Variants in CEP164 observed in about 807,000 individuals in gnomAD.
CEP164 encodes the protein centrosomal protein of 164 kDa.
CEP164 carries 162 observed loss-of-function variants against 182.7 expected under a neutral mutation model. That is an observed-to-expected ratio of 0.89 (90% confidence interval 0.78 to 1.01). The LOEUF is 1.01. Ranked by LOEUF, CEP164 falls within the 50% of genes least tolerant of loss-of-function variation. The probability of loss-of-function intolerance (pLI) is 0.00; values close to 1 mark genes in which losing one functional copy is unlikely to be tolerated. For missense variants in CEP164, 1,735 were observed against 1,790.4 expected (o/e 0.97, Z 0.56); for synonymous variants, 661 against 690.0 (o/e 0.96, Z 0.66).
chr11:117,402,518 C>G (rs1162439212), intron 27 of CEP164, among the ~76,000 whole-genome samples: 1 of 152,080 alleles, frequency 6.6e-6, no homozygotes, highest in Non-Finnish European at 1.5e-5. Context: ...CACACCCAGC[C>G]TTGAGTGAGT....
intron 5 of CEP164, chr11:117,355,857 C>T: frequency 9.4e-7 from 1 of 1,058,208 alleles, no homozygotes; most frequent in Non-Finnish European, 1.1e-6. Context: ...CCACCTGAAA[C>T]CCTGGCATCA....
intron 23 of CEP164, 27 bp downstream of exon 23, chr11:117,395,218 C>T (rs2045282944): frequency 1.2e-6 from 2 of 1,608,666 alleles, no homozygotes; most frequent in South Asian, 1.1e-5. Flanking sequence ...TGTCCTCCCT[C>T]CTGTTCTTCC....
chr11:117,341,027 A>G (rs757482175), intron 3 of CEP164, among the ~76,000 whole-genome samples: 3 of 152,112 alleles, frequency 2.0e-5, no homozygotes, highest in Non-Finnish European at 2.9e-5. Context: ...GGGTTTCACC[A>G]TATTGGTCAG....
At chr11:117,338,433 C>T in intron 2 of CEP164, 133 bp from the exon 3 acceptor site, 2 of 650,062 alleles carry the variant, frequency 3.1e-6, no homozygotes, top group Non-Finnish European at 5.5e-6. Flanking sequence ...ATACCTGGCG[C>T]CTGGGAAGGC....
intron 5 of CEP164, chr11:117,355,286 G>T (rs761193547): frequency 1.1e-5 from 14 of 1,289,710 alleles, no homozygotes; most frequent in South Asian, 3.7e-5. Flanking sequence ...AATCTACCTG[G>T]GGTTTTCAGA....
intron 1 of CEP164, among the ~76,000 whole-genome samples, chr11:117,332,257 G>C (rs1315677740): frequency 6.6e-6 from 1 of 152,054 alleles, no homozygotes; most frequent in East Asian, 1.9e-4. Flanking sequence ...TAACAGGAGA[G>C]GTAAGAAGAC....
chr11:117,410,658 A>AT, intron 30 of CEP164, 170 bp from the exon 31 acceptor site: 1 of 535,686 alleles, frequency 1.9e-6, no homozygotes, highest in Non-Finnish European at 3.3e-6. Flanking sequence ...TGAAAAGTAG[A>AT]TTAAGTTTTA....
intron 10 of CEP164, among the ~76,000 whole-genome samples, chr11:117,375,090 A>G (rs914566824): frequency 1.3e-5 from 2 of 152,258 alleles, no homozygotes; most frequent in Admixed American, 6.5e-5. Flanking sequence ...CTGTATGGAA[A>G]GGGGATGGAA....
chr11:117,373,034 C>T (rs1319370289), intron 9 of CEP164, among the ~76,000 whole-genome samples: 1 of 152,080 alleles, frequency 6.6e-6, no homozygotes, highest in East Asian at 1.9e-4. Flanking sequence ...AACCCTTAGT[C>T]CTATTCCTCC....
chr11:117,340,793 G>C (rs890161901), intron 3 of CEP164, among the ~76,000 whole-genome samples: 1 of 152,138 alleles, frequency 6.6e-6, no homozygotes, highest in Non-Finnish European at 1.5e-5. Context: ...CAAAGTGCAG[G>C]GATTACAGAC....
intron 1 of CEP164, among the ~76,000 whole-genome samples, chr11:117,322,129 T>G (rs541374747): frequency 8.5e-4 from 129 of 152,318 alleles, no homozygotes; most frequent in African/African-American, 2.9e-3. Context: ...TATTTATTTA[T>G]TTTTGAGGTG....
intron 1 of CEP164, among the ~76,000 whole-genome samples, chr11:117,330,072 C>G (rs2035958718): frequency 6.6e-6 from 1 of 152,050 alleles, no homozygotes; most frequent in Non-Finnish European, 1.5e-5. Flanking sequence ...TGTTGTTCCT[C>G]TGCCGTGAAT....
intron 26 of CEP164, 138 bp from the exon 27 acceptor site, chr11:117,396,953 C>T: frequency 1.3e-6 from 1 of 758,546 alleles, no homozygotes; most frequent in Non-Finnish European, 2.1e-6. Flanking sequence ...AGTGGCATCC[C>T]TGCACTCACA....
intron 15 of CEP164, among the ~76,000 whole-genome samples, chr11:117,389,705 A>C (rs151154386): frequency 2.0e-5 from 3 of 152,314 alleles, no homozygotes; most frequent in African/African-American, 7.2e-5. Context: ...GGTTTGCCAG[A>C]TAGAAAAGGG....
chr11:117,406,497 A>G (rs1226702596), intron 27 of CEP164, among the ~76,000 whole-genome samples: 1 of 152,238 alleles, frequency 6.6e-6, no homozygotes, highest in Middle Eastern at 3.2e-3. Flanking sequence ...TATAATGTGC[A>G]AGGCAGTAGT....
In CEP164 at chr11:117,394,473, C is replaced by T. The variant is rs541217768; in HGVS notation, c.2740C>T (p.Arg914Trp). 7.6e-5 allele frequency: 122 copies of T among 1,613,706 alleles called. No individual in the cohort carries two copies. The Middle Eastern group carries it at 8.4e-4, about 11-fold the overall frequency. ...GCAACACAAGCGTCTTGAGGACTTG[C>T]GGCGCCGGCACAGGGAGCAGGTGAG... ...QEQHKRLEDL[R>W]RRHREQERKL... The change falls in exon 21 of 33, where the codon CGG becomes TGG. Residue 914 changes from arginine to tryptophan, a missense_variant. Arg to Trp is a moderately radical substitution (Grantham distance 101). Transcript: ENST00000278935. This position sits in a 1 kb window ranked among gnomAD's most constrained non-coding sequence, Gnocchi z 4.0.
chr11:117,410,048 C>A, intron 30 of CEP164, 83 bp downstream of exon 30: 1 of 1,247,928 alleles, frequency 8.0e-7, no homozygotes, highest in Non-Finnish European at 1.2e-6. Flanking sequence ...CTTTCTCCTG[C>A]TCCTTTTCTC....
chr11:117,381,793 A>G lies in CEP164; in HGVS notation c.1502A>G (p.Gln501Arg), dbSNP rs375085754. The G allele has an allele frequency of 3.5e-5, 55 of 1,577,222 alleles. No homozygotes were observed. The African/African-American group carries it at 7.0e-4, about 20-fold the overall frequency. ...GAGCCTCCCCAGGGCCCCGAGGGGC[A>G]GCCCGAGTGGAAGGAGGCAGAGGAG... The part of the protein sequence containing the change: ...EEEPPQGPEG[Q>R]PEWKEAEELG... The change falls in exon 13 of 33, where the codon CAG (glutamine) becomes CGG (arginine). Residue 501 changes from glutamine to arginine, a missense_variant. Coordinates refer to ENST00000278935, the MANE Select transcript of CEP164 (RefSeq NM_014956.5).
intron 14 of CEP164, chr11:117,386,969 A>C: frequency 1.9e-6 from 1 of 526,234 alleles, no homozygotes; most frequent in Non-Finnish European, 3.4e-6. Flanking sequence ...AGAGCCTGCT[A>C]TGGGCTACCC....
Sources: allele counts gnomAD v4.1 joint callset (sites outside exome capture counted in the v4.1 genomes callset), GRCh38; gene constraint gnomAD v4.1.1; non-coding constraint Gnocchi (gnomAD v3.1); transcripts MANE v1.5; gene names NCBI Gene and HGNC (gene_info 2026-07-23, HGNC 2026-07-21).